Variants in GLIS3 observed in about 807,000 individuals in gnomAD.
The protein encoded by GLIS3 is zinc finger protein GLIS3.
Under a neutral mutation model 78.6 loss-of-function variants are expected in GLIS3, and 53 were observed. The observed-to-expected ratio is 0.67, with a 90% CI of 0.54 to 0.85. GLIS3 has a LOEUF of 0.85. Ranked by LOEUF, GLIS3 falls within the 40% of genes least tolerant of loss-of-function variation. The pLI is 0.00. For missense variants in GLIS3, 1,703 were observed against 1,231.1 expected, an observed-to-expected ratio of 1.38 and a Z score of -5.74; for synonymous variants, 684 against 509.9, an observed-to-expected ratio of 1.34 and a Z score of -4.60.
chr9:4,201,491 G>A (rs1032376951), intron 2 of GLIS3, among the ~76,000 whole-genome samples: 3 of 152,046 alleles, frequency 2.0e-5, no homozygotes, highest in African/African-American at 4.8e-5. Context: ...GAAGTTTCAG[G>A]ATACAAAAAT....
At chr9:4,245,722 A>G (rs556515481) in intron 2 of GLIS3, among the ~76,000 whole-genome samples, 1 of 152,344 alleles carries the variant, frequency 6.6e-6, no homozygotes, top group African/African-American at 2.4e-5. Context: ...TGATCATTAC[A>G]CATTATATAC....
intron 2 of GLIS3, among the ~76,000 whole-genome samples, chr9:4,328,398 G>A (rs971716140): frequency 2.0e-5 from 3 of 152,138 alleles, no homozygotes; most frequent in Non-Finnish European, 2.9e-5. Flanking sequence ...GGCTCAGAGA[G>A]TCAGGAAAAC....
intron 2 of GLIS3, among the ~76,000 whole-genome samples, chr9:4,209,772 C>A (rs578141988): frequency 1.3e-5 from 2 of 151,752 alleles, no homozygotes; most frequent in East Asian, 3.9e-4. Context: ...GGATGTTTAA[C>A]AGCATCCCTG....
chr9:4,473,410 C>T, the GLIS3 span, among the ~76,000 whole-genome samples: 12 of 146,264 alleles, frequency 8.2e-5, no homozygotes, highest in Admixed American at 2.2e-4. Context: ...CATGCCATTG[C>T]ACTCCAGCCT....
chr9:4,194,771 C>G (rs1818655899), intron 2 of GLIS3, among the ~76,000 whole-genome samples: 1 of 152,196 alleles, frequency 6.6e-6, no homozygotes, highest in Non-Finnish European at 1.5e-5. Context: ...AAGCTCCGGG[C>G]AACCCTGGCC....
intron 4 of GLIS3, among the ~76,000 whole-genome samples, chr9:3,960,328 T>C (rs1817463610): frequency 6.6e-6 from 1 of 152,216 alleles, no homozygotes; most frequent in Non-Finnish European, 1.5e-5. Context: ...TCCAGAACTG[T>C]GAGACAATAA....
At chr9:4,253,342 G>A (rs1824578874) in intron 2 of GLIS3, among the ~76,000 whole-genome samples, 1 of 152,246 alleles carries the variant, frequency 6.6e-6, no homozygotes, top group South Asian at 2.1e-4. Context: ...TCTAGCTACA[G>A]TGGCTTTGCC....
At chr9:3,937,329 T>C in intron 4 of GLIS3, 140 bp from the exon 5 acceptor site, 2 of 823,012 alleles carry the variant, frequency 2.4e-6, no homozygotes, top group Non-Finnish European at 3.9e-6. Context: ...GTAATAAATA[T>C]TGCTCCTAAA....
At chr9:4,477,723 T>A in the GLIS3 span, among the ~76,000 whole-genome samples, 2 of 152,142 alleles carry the variant, frequency 1.3e-5, no homozygotes, top group Non-Finnish European at 1.5e-5. Context: ...TAGAGGTTAG[T>A]GTTTAATGGG....
intron 4 of GLIS3, among the ~76,000 whole-genome samples, chr9:4,062,227 A>G (rs749292659): frequency 2.0e-5 from 3 of 152,228 alleles, no homozygotes; most frequent in Non-Finnish European, 4.4e-5. Flanking sequence ...TTAGCGACTA[A>G]TTTAGGAGAG....
chr9:3,873,460 C>T (rs1821094861), intron 8 of GLIS3, among the ~76,000 whole-genome samples: 1 of 151,866 alleles, frequency 6.6e-6, no homozygotes, highest in African/African-American at 2.4e-5. Flanking sequence ...AGAATGGGCG[C>T]AAAAAACCAT....
chr9:3,921,725 T>G (rs976216574), intron 6 of GLIS3, among the ~76,000 whole-genome samples: 1 of 152,138 alleles, frequency 6.6e-6, no homozygotes. Context: ...TATGCAATAT[T>G]TATGACAATT....
At chr9:4,417,480 C>T in the GLIS3 span, among the ~76,000 whole-genome samples, 1 of 152,054 alleles carries the variant, frequency 6.6e-6, no homozygotes, top group South Asian at 2.1e-4. Flanking sequence ...TAGTCACGTA[C>T]CATTATTTGG....
At chr9:4,108,199 T>G (rs1830924135) in intron 4 of GLIS3, among the ~76,000 whole-genome samples, 1 of 151,960 alleles carries the variant, frequency 6.6e-6, no homozygotes, top group Non-Finnish European at 1.5e-5. Flanking sequence ...TCTGAAAGAG[T>G]TTTTGGTCTA....
At chr9:3,994,309 C>G (rs1403437304) in intron 4 of GLIS3, among the ~76,000 whole-genome samples, 1 of 152,146 alleles carries the variant, frequency 6.6e-6, no homozygotes. Flanking sequence ...ACAGTACAGC[C>G]CATGGCCTGG....
At chr9:4,134,360 A>G (rs1196282595) in intron 2 of GLIS3, among the ~76,000 whole-genome samples, 1 of 152,196 alleles carries the variant, frequency 6.6e-6, no homozygotes, top group African/African-American at 2.4e-5. Flanking sequence ...TATGAGTCTT[A>G]CACCTCCTTC....
At chr9:3,981,812 G>A (rs940306629) in intron 4 of GLIS3, among the ~76,000 whole-genome samples, 2 of 152,074 alleles carry the variant, frequency 1.3e-5, no homozygotes, top group African/African-American at 4.8e-5. Context: ...AGATCCAGAA[G>A]ACTAGAACCT....
intron 3 of GLIS3, chr9:4,123,967 C>A: frequency 2.6e-6 from 1 of 389,542 alleles, no homozygotes; most frequent in South Asian, 1.4e-4. Flanking sequence ...TCCCAGCATG[C>A]CCCCAATGTA....
intron 9 of GLIS3, among the ~76,000 whole-genome samples, chr9:3,840,424 G>A (rs532906130): frequency 2.6e-5 from 4 of 152,212 alleles, no homozygotes; most frequent in African/African-American, 9.6e-5. Context: ...TATAAAAACT[G>A]ACTCTTCATT....
Sources: allele counts gnomAD v4.1 joint callset (sites outside exome capture counted in the v4.1 genomes callset), GRCh38; gene constraint gnomAD v4.1.1; transcripts MANE v1.5; gene names NCBI Gene and HGNC (gene_info 2026-07-23, HGNC 2026-07-21).